The following SYTL2 variants were observed in gnomAD, a reference collection of about 807,000 sequenced individuals.
The protein encoded by SYTL2 is synaptotagmin-like protein 2.
In SYTL2, 165 loss-of-function variants were observed where a neutral mutation model predicts 198.7. The observed-to-expected ratio is 0.83, with a 90% CI of 0.73 to 0.94. The LOEUF (loss-of-function observed/expected upper bound fraction) is 0.94, where lower values mean the gene tolerates loss of function less well. Ranked by LOEUF, SYTL2 falls within the 40% of genes least tolerant of loss-of-function variation. SYTL2 has a pLI of 0.00. For synonymous variants in SYTL2, 966 were observed against 917.7 expected (o/e 1.05, Z -0.95); for missense variants, 2,835 against 2,582.8 (o/e 1.10, Z -2.12).
chr11:85,778,198 C>T (rs909576937), intron 1 of SYTL2, among the ~76,000 whole-genome samples: 2 of 152,114 alleles, frequency 1.3e-5, no homozygotes, highest in African/African-American at 4.8e-5. Flanking sequence ...ACAATTTCAC[C>T]AAGGGTTCTG....
Position 85,704,983 on chromosome 11 carries a change from A to T in SYTL2, c.6064T>A (p.Ser2022Thr), listed in dbSNP as rs1175148971. Residue 2022 changes from serine to threonine, a missense_variant, in exon 16 of 20, where the codon TCC becomes ACC. By Grantham distance (58) the Ser-to-Thr change is moderately conservative (BLOSUM62 1). Transcript: ENST00000359152. ...TTAAATGTATCCCGATGCCAAATGG[A>T]CAGGTTCAATTTCTGTGTCTTTAAG... ...QILKTQKLNL[S>T]IWHRDTFKRN... 1 of 1,613,616 alleles carries T rather than the reference A, an allele frequency of 6.2e-7. No individual in the cohort carries two copies. Among genetic ancestry groups the T allele is most frequent in the Admixed American group, 1.7e-5 (1 of 59,996 alleles).
the SYTL2 span, among the ~76,000 whole-genome samples, chr11:85,846,931 A>C: frequency 6.6e-6 from 1 of 151,770 alleles, no homozygotes; most frequent in African/African-American, 2.4e-5. Flanking sequence ...ATGGGGTGTC[A>C]CTATGTTGGT....
chr11:85,759,397 A>C (rs2092024863), intron 1 of SYTL2, among the ~76,000 whole-genome samples: 1 of 152,232 alleles, frequency 6.6e-6, no homozygotes, highest in Non-Finnish European at 1.5e-5. Context: ...ACTAGCTATA[A>C]GTCATTGGGC....
chr11:85,761,045 G>A (rs1297982804), intron 1 of SYTL2, among the ~76,000 whole-genome samples: 2 of 152,156 alleles, frequency 1.3e-5, no homozygotes, highest in East Asian at 3.8e-4. Flanking sequence ...ACTTGACAAA[G>A]ATTTATTGAG....
At chr11:85,819,873 T>G in the SYTL2 span, among the ~76,000 whole-genome samples, 1 of 152,238 alleles carries the variant, frequency 6.6e-6, no homozygotes, top group Non-Finnish European at 1.5e-5. Context: ...TGTTTATATT[T>G]TGGTGTTCAC....
chr11:85,850,993 A>C, the SYTL2 span, among the ~76,000 whole-genome samples: 3 of 129,988 alleles, frequency 2.3e-5, no homozygotes, highest in African/African-American at 8.8e-5. Context: ...ACATGGACAC[A>C]GGAAGGGGAA....
chr11:85,782,181 C>T (rs1031818336), intron 1 of SYTL2, among the ~76,000 whole-genome samples: 4 of 152,264 alleles, frequency 2.6e-5, no homozygotes, highest in African/African-American at 9.6e-5. Flanking sequence ...TTCTTGACTT[C>T]TGTGCACTGG....
chr11:85,700,789 G>GA (rs771104535), intron 16 of SYTL2, among the ~76,000 whole-genome samples, 196 bp from the exon 17 acceptor site: 3 of 152,186 alleles, frequency 2.0e-5, no homozygotes, highest in Non-Finnish European at 2.9e-5. Flanking sequence ...TGTATATCTT[G>GA]AAAAATCTTG....
the SYTL2 span, among the ~76,000 whole-genome samples, chr11:85,826,141 G>C: frequency 1.3e-5 from 2 of 152,316 alleles, no homozygotes; most frequent in East Asian, 3.9e-4. Context: ...TAGAAATGCA[G>C]GCTGTCTGGC....
At chr11:85,747,350 T>A (rs1375076127) in intron 3 of SYTL2, among the ~76,000 whole-genome samples, 1 of 151,902 alleles carries the variant, frequency 6.6e-6, no homozygotes, top group Non-Finnish European at 1.5e-5. Context: ...ACTATCATAG[T>A]AACCTCCCTG....
In SYTL2 at chr11:85,725,096, G is replaced by C. The variant is rs780167104; in HGVS notation, c.4262C>G (p.Ala1421Gly). The change falls in exon 8 of 20, where the codon GCT becomes GGT. Residue 1421 changes from alanine (A) to glycine (G), a missense_variant. Transcript: ENST00000359152. ...GTCTGGAACTATGGTGTCCATCGTA[G>C]CCCATGGTGATATCACTCCTGGAGG... ...LNPPGVISPW[A>G]TMDTIVPDRK... is the part of the protein sequence containing the mutation. 1 of 1,614,140 alleles carries C rather than the reference G, an allele frequency of 6.2e-7. No homozygotes were observed.
the SYTL2 span, among the ~76,000 whole-genome samples, chr11:85,843,799 C>A: frequency 6.6e-6 from 1 of 152,080 alleles, no homozygotes. Context: ...CAGAACAGCC[C>A]TGAGAAGTAT....
intron 4 of SYTL2, among the ~76,000 whole-genome samples, chr11:85,745,147 CAG>C (rs1311897702): frequency 6.6e-6 from 1 of 152,164 alleles, no homozygotes; most frequent in African/African-American, 2.4e-5. Context: ...AATATAGACT[CAG>C]AAAGGTTAAA....
the SYTL2 span, among the ~76,000 whole-genome samples, chr11:85,843,361 C>T: frequency 6.6e-6 from 1 of 152,074 alleles, no homozygotes; most frequent in Non-Finnish European, 1.5e-5. Flanking sequence ...GAGCAAGATT[C>T]TGTCTCAAAA....
chr11:85,724,582 G>A lies in SYTL2; in HGVS notation c.4776C>T (p.His1592=), dbSNP rs146138820. 248 of 1,612,974 alleles carry A rather than the reference G, an allele frequency of 1.5e-4. 1 individual carries two copies. The highest frequency in any genetic ancestry group is 5.1e-4 in the East Asian group (23 of 44,908). The change falls in exon 8 of 20, where the codon CAC becomes CAT. Residue 1592 remains histidine, a synonymous_variant. Coordinates refer to ENST00000359152, the MANE Select transcript of SYTL2 (RefSeq NM_206927.4). The part of the protein sequence containing the change: ...QPQVSVREET[H]EKESSQSEQT... ...GCTCTGACTGTGAGGACTCCTTCTC[G>A]TGAGTTTCTTCTCTCACTGACACCT... is the stretch of plus-strand genomic sequence containing the variant.
intron 2 of SYTL2, among the ~76,000 whole-genome samples, chr11:85,756,588 A>T (rs1312440151): frequency 6.6e-6 from 1 of 152,154 alleles, no homozygotes; most frequent in Non-Finnish European, 1.5e-5. Context: ...TGGGGTAATT[A>T]TATCCCACTC....
chr11:85,747,802 T>C (rs1389950621), intron 3 of SYTL2, among the ~76,000 whole-genome samples: 1 of 152,186 alleles, frequency 6.6e-6, no homozygotes, highest in Non-Finnish European at 1.5e-5. Flanking sequence ...TTATTTTTGT[T>C]TAATCAAATA....
the SYTL2 span, among the ~76,000 whole-genome samples, chr11:85,831,822 C>T: frequency 6.6e-6 from 1 of 152,022 alleles, no homozygotes; most frequent in South Asian, 2.1e-4. Context: ...AAGAAATAAG[C>T]TAAACATAAG....
chr11:85,724,458 G>T lies in SYTL2; in HGVS notation c.4900C>A (p.Gln1634Lys). The T allele has an allele frequency of 6.2e-7, 1 of 1,612,770 alleles. No individual in the cohort carries two copies. Among genetic ancestry groups the T allele is most frequent in the South Asian group, 1.1e-5 (1 of 90,712 alleles). ...KSNGLESQVNQCDKMLGGDAL... is the reference protein window; with the variant it reads ...KSNGLESQVNKCDKMLGGDAL... ...TCTCCTCCCAACATTTTATCACATT[G>T]GTTGACTTGAGATTCCAAACCATTA... The change falls in exon 8 of 20, where the codon CAA (glutamine) becomes AAA (lysine). Residue 1634 changes from glutamine (Q) to lysine (K), a missense_variant. By Grantham distance (53) the Gln-to-Lys change is moderately conservative (BLOSUM62 1). Transcript: ENST00000359152.
Sources: gnomAD v4.1 joint callset for allele counts (sites outside exome capture counted in the v4.1 genomes callset) on GRCh38, gnomAD v4.1.1 for gene constraint, MANE v1.5 for transcripts, NCBI Gene and HGNC (gene_info 2026-07-23, HGNC 2026-07-21) for gene names.